The following AURKB variants were observed in gnomAD, a reference collection of about 807,000 sequenced individuals.
AURKB encodes aurora kinase B.
In AURKB, 28 loss-of-function variants were observed where a neutral mutation model predicts 36.5. The ratio of observed to expected loss-of-function variants is 0.77; its 90% confidence interval spans 0.57 to 1.05. The LOEUF (loss-of-function observed/expected upper bound fraction) is 1.05, where lower values mean the gene tolerates loss of function less well. AURKB is among the 50% of genes least tolerant of loss of function. AURKB has a pLI of 0.00. For synonymous variants in AURKB, 175 were observed against 172.9 expected (o/e 1.01, Z -0.09); for missense variants, 383 against 447.4 (o/e 0.86, Z 1.30).
chr17:8,207,127 G>A (rs1053838144), intron 5 of AURKB, 49 bp downstream of exon 5: 3 of 1,575,640 alleles, frequency 1.9e-6, no homozygotes, highest in African/African-American at 1.3e-5. Flanking sequence ...ATGAGGAGCT[G>A]GGGGTGAGGG....
At position 8,204,825 on chromosome 17, in the gene AURKB, T is replaced by C. The variant is rs960287111; in HGVS notation, c.*46A>G. 7 of 1,604,484 alleles carry C rather than the reference T, an allele frequency of 4.4e-6. No individual in the cohort carries two copies. Among genetic ancestry groups the C allele is most frequent in the African/African-American group, 4.0e-5 (3 of 74,116 alleles). On this transcript the variant is annotated 3_prime_UTR_variant, in exon 9 of 9. Coordinates refer to ENST00000585124, the MANE Select transcript of AURKB (RefSeq NM_004217.4). The stretch of plus-strand genomic sequence containing the variant: ...AGGGATCCCTTCTTTCCCCTATACA[T>C]ACACAGACATACAAACACACGCACC...
intron 2 of AURKB, among the ~76,000 whole-genome samples, chr17:8,208,994 CTGGA>C (rs2151477884): frequency 6.6e-6 from 1 of 151,580 alleles, no homozygotes; most frequent in Admixed American, 6.6e-5. Context: ...CCTGATGGCC[CTGGA>C]CCACTTCTCA....
chr17:8,207,936 C>T (rs1180632254), intron 2 of AURKB, 96 bp from the exon 3 acceptor site: 3 of 909,902 alleles, frequency 3.3e-6, no homozygotes, highest in African/African-American at 1.7e-5. Context: ...GCTAAAGAGC[C>T]ACCCACCCAC....
At position 8,207,040 on chromosome 17, in the gene AURKB, G is replaced by T. The variant is rs1985408249; in HGVS notation, c.398+136C>A. 9 of 1,453,164 alleles carry T rather than the reference G, an allele frequency of 6.2e-6. No homozygotes were observed. In the South Asian group the frequency reaches 6.6e-5, roughly 11 times the overall value. 90.0% of individuals were successfully genotyped at this position (1,453,164 alleles called of 1,614,324 possible). A position where few individuals can be genotyped will look rare whatever the true frequency, so the allele number is the denominator to read the frequency against. On this transcript the variant is annotated intron_variant, in intron 5 of 8. Transcript: ENST00000585124. Reference sequence around the variant, plus strand: ...CTGGAGGCAGATTTCTGGATTCAAGGCTTGCCAGGACTAAGAGCTAAATGG... The same window carrying T: ...CTGGAGGCAGATTTCTGGATTCAAGTCTTGCCAGGACTAAGAGCTAAATGG...
At chr17:8,207,131 G>A (rs749976036) in intron 5 of AURKB, 45 bp downstream of exon 5, 3 of 1,581,244 alleles carry the variant, frequency 1.9e-6, no homozygotes, top group Non-Finnish European at 2.6e-6. Flanking sequence ...GGAGCTGGGG[G>A]TGAGGGAGCA....
At position 8,207,635 on chromosome 17, in the gene AURKB, G is replaced by A. The variant is rs1320100592; in HGVS notation, c.152-10C>T. On this transcript the variant is annotated splice_polypyrimidine_tract_variant and intron_variant, in intron 3 of 8. Transcript: ENST00000585124. ...TTCTGGCCAGGGGCAGCTAAGGAGA[G>A]AACAGGTAGGTTGAATGCGAACAGG... 3.3e-5 allele frequency: 53 copies of A among 1,613,842 alleles called. No homozygotes were observed. Among genetic ancestry groups the A allele is most frequent in the Non-Finnish European group, 4.5e-5 (53 of 1,179,890 alleles).
At chr17:8,207,537 C>G (rs1437431592) in intron 4 of AURKB, 34 bp downstream of exon 4, 1 of 1,606,936 alleles carries the variant, frequency 6.2e-7, no homozygotes, top group Non-Finnish European at 8.5e-7. Context: ...ATTGTCCCCT[C>G]ACCCCCGTCC....
intron 5 of AURKB, 52 bp downstream of exon 5, chr17:8,207,124 G>T: frequency 6.4e-7 from 1 of 1,573,646 alleles, no homozygotes. Flanking sequence ...TGAATGAGGA[G>T]CTGGGGGTGA....
chr17:8,208,593 A>AAATAAATAAAT (rs1985695086), intron 2 of AURKB, among the ~76,000 whole-genome samples: 2 of 141,284 alleles, frequency 1.4e-5, no homozygotes, highest in Non-Finnish European at 3.1e-5. Flanking sequence ...TCCGTCTCAA[A>AAATAAATAAAT]AAATAAATAA....
At position 8,206,490 on chromosome 17, in the gene AURKB, C is replaced by T. The variant is rs1204283809; in HGVS notation, c.686+1G>A. 1 of 1,614,136 alleles carries T rather than the reference C, an allele frequency of 6.2e-7. No homozygotes were observed. The highest frequency in any genetic ancestry group is 8.5e-7 in the Non-Finnish European group (1 of 1,180,012). On this transcript the variant is annotated splice_donor_variant, in intron 7 of 8. Coordinates refer to ENST00000585124, the MANE Select transcript of AURKB (RefSeq NM_004217.4). LOFTEE classifies it high-confidence loss of function. The surrounding 1 kb of genome is among the most constrained non-coding windows in gnomAD (Gnocchi z 4.2). ...AGGTCTGGCCTCCCAGGCCACCATA[C>T]CTCAGGGAGGGCGCATGCACAGACC...
At chr17:8,205,526 G>C in intron 7 of AURKB, 136 bp from the exon 8 acceptor site, 4 of 1,104,900 alleles carry the variant, frequency 3.6e-6, no homozygotes, top group Non-Finnish European at 5.2e-6. Flanking sequence ...CCACTGGAGT[G>C]GGGGTGGGGT....
intron 7 of AURKB, among the ~76,000 whole-genome samples, chr17:8,205,917 A>C (rs906054701): frequency 6.6e-6 from 1 of 151,108 alleles, no homozygotes; most frequent in Non-Finnish European, 1.5e-5. Context: ...CTGCTTAATA[A>C]ATTTTGTGTT....
intron 2 of AURKB, among the ~76,000 whole-genome samples, chr17:8,208,743 C>A (rs906721357): frequency 6.6e-6 from 1 of 152,160 alleles, no homozygotes; most frequent in African/African-American, 2.4e-5. Context: ...AGCTGTTCAA[C>A]CTGTATAAGT....
intron 2 of AURKB, among the ~76,000 whole-genome samples, chr17:8,209,023 ATT>A (rs60656658): frequency 1.4e-5 from 2 of 141,096 alleles, no homozygotes; most frequent in East Asian, 2.1e-4. Flanking sequence ...CAACTTCTTC[ATT>A]TTTTTTTTTT....
chr17:8,209,953 C>A, intron 2 of AURKB: 2 of 619,714 alleles, frequency 3.2e-6, no homozygotes. Context: ...GAGGTCCTCA[C>A]CAGCTGGGAG....
In AURKB at chr17:8,205,369, G is replaced by A. The variant is rs1314988377; in HGVS notation, c.708C>T (p.Thr236=). 6.2e-7 allele frequency: 1 copy of A among 1,614,150 alleles called. No homozygotes were observed. The change falls in exon 8 of 9, where the codon ACC becomes ACT. Residue 236 remains threonine, a synonymous_variant. Transcript: ENST00000585124. ...TCATCTCTGGGGGCAGGTAGTCCAGGGTGCCACACATTGTCTTCCTCCTGG... is the reference window on the plus strand; with the variant it reads ...TCATCTCTGGGGGCAGGTAGTCCAGAGTGCCACACATTGTCTTCCTCCTGG... ...PSLRRKTMCG[T]LDYLPPEMIE...
At position 8,204,943 on chromosome 17, in the gene AURKB, G is replaced by T; in HGVS notation, c.963C>A (p.Val321=). The T allele has an allele frequency of 6.2e-7, 1 of 1,609,704 alleles. No homozygotes were observed. Among genetic ancestry groups the T allele is most frequent in the East Asian group, 2.2e-5 (1 of 44,856 alleles). ...NPSERLPLAQ[V]SAHPWVRANS... is the part of the protein sequence containing the mutation. ...TGGCCCGGACCCAAGGGTGGGCTGA[G>T]ACCTGGGCCAGGGGCAGCCGTTCCG... The change falls in exon 9 of 9, where the codon GTC becomes GTA. Residue 321 remains valine (V), a synonymous_variant. Coordinates refer to ENST00000585124, the MANE Select transcript of AURKB (RefSeq NM_004217.4).
At chr17:8,210,041 A>G in intron 2 of AURKB, 136 bp downstream of exon 2, 1 of 1,228,358 alleles carries the variant, frequency 8.1e-7, no homozygotes, top group South Asian at 1.3e-5. Flanking sequence ...TCTGTCGTCA[A>G]ACTTGGGACC....
intron 1 of AURKB, 105 bp downstream of exon 1, chr17:8,210,425 C>T: frequency 5.0e-6 from 3 of 601,564 alleles, no homozygotes; most frequent in East Asian, 3.0e-5. Context: ...TCCCTACCTC[C>T]TTCCAGCCCT....
Sources: allele counts gnomAD v4.1 joint callset (sites outside exome capture counted in the v4.1 genomes callset), GRCh38; gene constraint gnomAD v4.1.1; non-coding constraint Gnocchi (gnomAD v3.1); transcripts MANE v1.5; gene names NCBI Gene and HGNC (gene_info 2026-07-23, HGNC 2026-07-21).